The following RFC1 variants were observed in gnomAD, a reference collection of about 807,000 sequenced individuals.
RFC1 encodes replication factor C subunit 1.
RFC1 carries 37 observed loss-of-function variants against 137.4 expected under a neutral mutation model. The ratio of observed to expected loss-of-function variants is 0.27; its 90% CI spans 0.21 to 0.35. The LOEUF is 0.35. Among genes scored for constraint, RFC1 ranks in the 10% least tolerant of loss-of-function variants. The pLI is 1.00. For synonymous variants in RFC1, 429 were observed against 455.7 expected, an observed-to-expected ratio of 0.94 and a Z score of 0.75; for missense variants, 1,205 against 1,358.5, an observed-to-expected ratio of 0.89 and a Z score of 1.78.
intron 9 of RFC1, among the ~76,000 whole-genome samples, chr4:39,317,254 C>A (rs552974563): frequency 7.2e-5 from 11 of 152,256 alleles, no homozygotes; most frequent in South Asian, 4.1e-4. Flanking sequence ...CACCTCAGGG[C>A]AGATTATGGG....
At chr4:39,300,464 G>GT (rs779954626) in intron 19 of RFC1, 50 bp from the exon 20 acceptor site, 1 of 1,341,842 alleles carries the variant, frequency 7.5e-7, no homozygotes, top group South Asian at 1.2e-5. Context: ...ATTCAAAACG[G>GT]TAACATCACC....
At chr4:39,300,477 A>T in intron 19 of RFC1, 63 bp from the exon 20 acceptor site, 3 of 1,192,260 alleles carry the variant, frequency 2.5e-6, no homozygotes, top group Non-Finnish European at 3.7e-6. Context: ...ACATCACCAA[A>T]TGCTAACGAG....
chr4:39,316,766 C>T (rs1203295628), intron 10 of RFC1, 149 bp downstream of exon 10: 6 of 544,004 alleles, frequency 1.1e-5, no homozygotes, highest in Non-Finnish European at 2.0e-5. Context: ...CATGAATAAA[C>T]ATCCCTAATT....
At chr4:39,345,760 G>A (rs1740827487) in intron 2 of RFC1, among the ~76,000 whole-genome samples, 2 of 151,990 alleles carry the variant, frequency 1.3e-5, no homozygotes, top group African/African-American at 4.8e-5. Context: ...TTTTAACCAG[G>A]GGGAATTTTG....
chr4:39,294,076 G>A (rs1384843844), intron 22 of RFC1, among the ~76,000 whole-genome samples: 2 of 152,162 alleles, frequency 1.3e-5, no homozygotes, highest in Non-Finnish European at 2.9e-5. Context: ...CCCAGCTCAA[G>A]ATCAGGACTG....
Position 39,287,705 on chromosome 4 carries a change from C to A in RFC1, c.*1056G>T, listed in dbSNP as rs1737446428. On this transcript the variant is annotated 3_prime_UTR_variant, in exon 25 of 25. Coordinates refer to ENST00000349703, the MANE Select transcript of RFC1 (RefSeq NM_002913.5). ...AATAGCTAGACATCTAAATTCCAGG[C>A]TAGGTCCATAGCCTCACGGCCACTC... The A allele has an allele frequency of 6.6e-6, 1 of 152,196 alleles. No individual in the cohort carries two copies. Among genetic ancestry groups the A allele is most frequent in the Admixed American group, 6.5e-5 (1 of 15,282 alleles). The allele number at this position is 152,196 out of a possible 1,614,324, so 9.4% of individuals were successfully genotyped here. A position where few individuals can be genotyped will look rare whatever the true frequency, so the allele number is the denominator to read the frequency against.
intron 16 of RFC1, 26 bp downstream of exon 16, chr4:39,303,034 C>G: frequency 6.4e-7 from 1 of 1,569,202 alleles, no homozygotes; most frequent in East Asian, 2.2e-5. Context: ...AACAGTGAAA[C>G]TGCAAAAATA....
chr4:39,306,444 A>G (rs1360765769), intron 14 of RFC1, 148 bp downstream of exon 14: 16 of 557,972 alleles, frequency 2.9e-5, no homozygotes, highest in Non-Finnish European at 4.2e-5. Flanking sequence ...AACAGGTTCT[A>G]AAGGTTTTAT....
intron 22 of RFC1, among the ~76,000 whole-genome samples, chr4:39,293,322 GA>G (rs544887936): frequency 5.1e-4 from 77 of 152,144 alleles, no homozygotes; most frequent in Non-Finnish European, 9.9e-4. Flanking sequence ...TAGACTCATA[GA>G]AAAGTCAAAG....
intron 3 of RFC1, among the ~76,000 whole-genome samples, chr4:39,345,004 T>C (rs907902546): frequency 2.6e-5 from 4 of 152,056 alleles, no homozygotes; most frequent in Middle Eastern, 3.2e-3. Context: ...CAGAACATAG[T>C]TGATTTATTT....
At chr4:39,325,512 A>G (rs951680852) in intron 6 of RFC1, among the ~76,000 whole-genome samples, 2 of 152,144 alleles carry the variant, frequency 1.3e-5, no homozygotes, top group Non-Finnish European at 2.9e-5. Flanking sequence ...CCTCCCAAGT[A>G]TCTGGGACCA....
chr4:39,290,786 G>C (rs1270867733), intron 23 of RFC1, among the ~76,000 whole-genome samples: 1 of 148,242 alleles, frequency 6.7e-6, no homozygotes, highest in East Asian at 2.0e-4. Flanking sequence ...CTGCCCTTCA[G>C]CCTGGGCAAC....
chr4:39,313,715 C>A (rs1739090846), intron 10 of RFC1, among the ~76,000 whole-genome samples: 1 of 152,122 alleles, frequency 6.6e-6, no homozygotes, highest in Non-Finnish European at 1.5e-5. Flanking sequence ...GCAACTCTTG[C>A]TATTGTTAAA....
intron 21 of RFC1, chr4:39,295,976 T>A: frequency 2.6e-6 from 1 of 391,612 alleles, no homozygotes; most frequent in Admixed American, 4.3e-5. Context: ...TGATCCAACA[T>A]GTTATGGCCC....
At chr4:39,299,406 G>A (rs935719760) in intron 21 of RFC1, among the ~76,000 whole-genome samples, 36 of 151,830 alleles carry the variant, frequency 2.4e-4, no homozygotes, top group African/African-American at 8.5e-4. Flanking sequence ...GGGTCTCCCC[G>A]ACTGAGCTGG....
At chr4:39,345,295 A>T in intron 3 of RFC1, 106 bp downstream of exon 3, 1 of 884,408 alleles carries the variant, frequency 1.1e-6, no homozygotes. Flanking sequence ...GATTGCGATT[A>T]CAGGCATGAG....
Position 39,302,425 on chromosome 4 carries a change from C to T in RFC1, c.2437-49G>A, listed in dbSNP as rs762238446. 4.0e-6 allele frequency: 6 copies of T among 1,515,096 alleles called. No homozygotes were observed. In the South Asian group the frequency reaches 4.5e-5, roughly 11 times the overall value. 93.9% of individuals were successfully genotyped at this position (1,515,096 alleles called of 1,614,324 possible). On this transcript the variant is annotated intron_variant, in intron 18 of 24. Transcript: ENST00000349703. The stretch of plus-strand genomic sequence containing the variant: ...ACGTCAAGATAGGAAAATCCTGTTG[C>T]TCCCCATCCCTACAAGGTTGAAAGC...
intron 1 of RFC1, among the ~76,000 whole-genome samples, chr4:39,356,672 G>A (rs1741495822): frequency 6.6e-6 from 1 of 152,042 alleles, no homozygotes; most frequent in South Asian, 2.1e-4. Context: ...TTGATTTTCT[G>A]TTACTCTCAT....
chr4:39,348,679 G>A (rs1353515846), intron 2 of RFC1, among the ~76,000 whole-genome samples: 1 of 151,890 alleles, frequency 6.6e-6, no homozygotes, highest in Non-Finnish European at 1.5e-5. Context: ...GGGAAGAATG[G>A]CCCCAAAAGC....
Sources: allele counts gnomAD v4.1 joint callset (sites outside exome capture counted in the v4.1 genomes callset), GRCh38; gene constraint gnomAD v4.1.1; transcripts MANE v1.5; gene names NCBI Gene and HGNC (gene_info 2026-07-23, HGNC 2026-07-21).